The following SLC35F1 variants were observed in gnomAD, a reference collection of about 807,000 sequenced individuals.
SLC35F1 encodes the protein chromosome 6 open reading frame 169.
In SLC35F1, 14 loss-of-function variants were observed where a neutral mutation model predicts 48.7. That is an observed-to-expected ratio of 0.29 (90% CI 0.19 to 0.45). SLC35F1 has a LOEUF of 0.45. Ranked by LOEUF, SLC35F1 falls within the 20% of genes least tolerant of loss-of-function variation. The pLI is 1.00. For missense variants in SLC35F1, 404 were observed against 500.0 expected (o/e 0.81, Z 1.83); for synonymous variants, 190 against 202.2 (o/e 0.94, Z 0.51).
At chr6:118,083,080 C>T (rs1489402158) in intron 1 of SLC35F1, among the ~76,000 whole-genome samples, 1 of 152,188 alleles carries the variant, frequency 6.6e-6, no homozygotes, top group Non-Finnish European at 1.5e-5. Context: ...TTTGCTTTGT[C>T]TGCCCAAAAT....
At chr6:117,959,356 T>G (rs1776466057) in intron 1 of SLC35F1, among the ~76,000 whole-genome samples, 1 of 152,138 alleles carries the variant, frequency 6.6e-6, no homozygotes, top group African/African-American at 2.4e-5. Flanking sequence ...TTGAGTACCC[T>G]CCTTTTTTAA....
At position 118,274,598 on chromosome 6, in the gene SLC35F1, A is replaced by G. The variant is rs1775896816; in HGVS notation, c.638-861A>G. Among the ~76,000 whole-genome samples, 4 of 152,076 alleles carry G rather than the reference A, an allele frequency of 2.6e-5. No individual in the cohort carries two copies. In the South Asian group the frequency reaches 8.3e-4, roughly 31 times the overall value. Reference sequence around the variant, plus strand: ...GTTTTAGTAGAGACAAGGTTTTGCCATATTGGCCAGGCTGGTCTCGAACTC... The same window carrying G: ...GTTTTAGTAGAGACAAGGTTTTGCCGTATTGGCCAGGCTGGTCTCGAACTC... On this transcript the variant is annotated intron_variant, in intron 4 of 7. Coordinates refer to ENST00000360388, the MANE Select transcript of SLC35F1 (RefSeq NM_001029858.4).
chr6:117,913,780 G>A (rs73517509), intron 1 of SLC35F1, among the ~76,000 whole-genome samples: 10,890 of 152,118 alleles, frequency 0.072, 1,313 homozygotes, highest in African/African-American at 0.25. Context: ...AGCCAGGGGC[G>A]GTGGCTCACA....
chr6:117,923,346 C>T (rs545340117), intron 1 of SLC35F1, among the ~76,000 whole-genome samples: 2 of 151,788 alleles, frequency 1.3e-5, no homozygotes, highest in South Asian at 2.1e-4. Context: ...AGAAATTAAA[C>T]GTCTTGTGTG....
At chr6:118,240,855 C>T (rs1279563261) in intron 3 of SLC35F1, among the ~76,000 whole-genome samples, 1 of 151,928 alleles carries the variant, frequency 6.6e-6, no homozygotes, top group Non-Finnish European at 1.5e-5. Context: ...GCAAGGACAC[C>T]AAAGAGAAGA....
chr6:118,081,218 C>A (rs760846736), intron 1 of SLC35F1, among the ~76,000 whole-genome samples: 7 of 152,166 alleles, frequency 4.6e-5, no homozygotes, highest in Non-Finnish European at 7.4e-5. Context: ...TTGGGACAAA[C>A]CTTATAGAGA....
intron 1 of SLC35F1, among the ~76,000 whole-genome samples, chr6:117,970,951 C>T (rs942606193): frequency 6.6e-6 from 1 of 152,122 alleles, no homozygotes. Flanking sequence ...ATCTCATGTC[C>T]TCACATTTCA....
intron 2 of SLC35F1, among the ~76,000 whole-genome samples, chr6:118,158,761 T>C (rs945168643): frequency 6.6e-5 from 10 of 152,158 alleles, no homozygotes; most frequent in Admixed American, 6.5e-4. Flanking sequence ...AGTTCCAAAA[T>C]GAATTGGAGT....
intron 1 of SLC35F1, among the ~76,000 whole-genome samples, chr6:118,027,564 T>C (rs1178702082): frequency 6.6e-6 from 1 of 152,108 alleles, no homozygotes; most frequent in Non-Finnish European, 1.5e-5. Flanking sequence ...TTTTTTCATG[T>C]CCTTATTGAC....
intron 1 of SLC35F1, among the ~76,000 whole-genome samples, chr6:118,051,193 A>G (rs1164706236): frequency 6.6e-6 from 1 of 152,162 alleles, no homozygotes; most frequent in Non-Finnish European, 1.5e-5. Flanking sequence ...GACTTTTACC[A>G]TTTATCAAGC....
At position 118,070,921 on chromosome 6, in the gene SLC35F1, A is replaced by AT. The variant is rs1491258916; in HGVS notation, c.174-83524_174-83523insT. Among the ~76,000 whole-genome samples, 70 of 126,956 alleles carry AT rather than the reference A, an allele frequency of 5.5e-4. 1 individual carries two copies. Among genetic ancestry groups the AT allele is most frequent in the East Asian group, 2.2e-3 (10 of 4,508 alleles). 83.3% of individuals were successfully genotyped at this position (126,956 alleles called of 152,430 possible). ...TATATACTATATATATATACATAGTAAATATATATACTATATATACATAGT... is the reference window on the plus strand; with the variant it reads ...TATATACTATATATATATACATAGTATAATATATATACTATATATACATAGT... On this transcript the variant is annotated intron_variant, in intron 1 of 7. Coordinates refer to ENST00000360388, the MANE Select transcript of SLC35F1 (RefSeq NM_001029858.4).
chr6:118,071,774 G>A (rs1772733947), intron 1 of SLC35F1, among the ~76,000 whole-genome samples: 1 of 152,112 alleles, frequency 6.6e-6, no homozygotes, highest in Admixed American at 6.5e-5. Flanking sequence ...CACCTGCTAT[G>A]GCTGAGGAGT....
In SLC35F1 at chr6:118,235,614, A is replaced by G. The variant is rs1322542450; in HGVS notation, c.455A>G (p.Tyr152Cys). Residue 152 changes from tyrosine to cysteine, a missense_variant, in exon 3 of 8, where the codon TAC becomes TGC. Transcript: ENST00000360388. ...TATCTGGTGGTCAAGGCTTACCAAT[A>G]CACAACTCTGACCAGTATCCAGGTA... is the stretch of plus-strand genomic sequence containing the variant. ...ANYLVVKAYQ[Y>C]TTLTSIQLLD... 2 of 1,613,390 alleles carry G rather than the reference A, an allele frequency of 1.2e-6. No individual in the cohort carries two copies. Among genetic ancestry groups the G allele is most frequent in the African/African-American group, 2.7e-5 (2 of 74,886 alleles).
At chr6:117,949,574 G>A (rs753674899) in intron 1 of SLC35F1, among the ~76,000 whole-genome samples, 7 of 151,996 alleles carry the variant, frequency 4.6e-5, no homozygotes, top group South Asian at 2.1e-4. Flanking sequence ...AGCAGTCCAC[G>A]GCTCAGAAAA....
chr6:118,103,514 G>A (rs1011051755), intron 1 of SLC35F1, among the ~76,000 whole-genome samples: 12 of 152,230 alleles, frequency 7.9e-5, no homozygotes, highest in African/African-American at 2.2e-4. Flanking sequence ...CACCTGGGCC[G>A]CCAACTTCTG....
chr6:117,983,727 A>G (rs1776812579), intron 1 of SLC35F1, among the ~76,000 whole-genome samples: 1 of 152,240 alleles, frequency 6.6e-6, no homozygotes, highest in Admixed American at 6.5e-5. Context: ...AGATAAAATA[A>G]TAAAAACCCA....
intron 2 of SLC35F1, among the ~76,000 whole-genome samples, chr6:118,158,018 G>A (rs1774171220): frequency 6.6e-6 from 1 of 152,170 alleles, no homozygotes; most frequent in Non-Finnish European, 1.5e-5. Context: ...GAGCAGCAAG[G>A]AATTTGGAGG....
At chr6:118,071,820 C>A (rs998251984) in intron 1 of SLC35F1, among the ~76,000 whole-genome samples, 5 of 152,092 alleles carry the variant, frequency 3.3e-5, no homozygotes, top group African/African-American at 1.2e-4. Context: ...TTTTGGTATC[C>A]TGCTTCTCCA....
intron 6 of SLC35F1, among the ~76,000 whole-genome samples, chr6:118,279,701 C>T (rs1354144840): frequency 6.6e-6 from 1 of 152,180 alleles, no homozygotes; most frequent in Non-Finnish European, 1.5e-5. Flanking sequence ...GGTCAGCACC[C>T]TCTCAAACCC....
Sources: allele counts gnomAD v4.1 joint callset (sites outside exome capture counted in the v4.1 genomes callset), GRCh38; gene constraint gnomAD v4.1.1; transcripts MANE v1.5; gene names NCBI Gene and HGNC (gene_info 2026-07-23, HGNC 2026-07-21).